RHOBTB2: variants seen among roughly 807,000 people sequenced by gnomAD.
The protein encoded by RHOBTB2 is rho-related BTB domain-containing protein 2.
RHOBTB2 carries 39 observed loss-of-function variants against 66.5 expected under a neutral mutation model. The observed-to-expected ratio is 0.59, with a 90% CI of 0.45 to 0.77. The LOEUF (loss-of-function observed/expected upper bound fraction) is 0.77. Ranked by LOEUF, RHOBTB2 falls within the 30% of genes least tolerant of loss-of-function variation. The probability of loss-of-function intolerance (pLI) is 0.00; values close to 1 mark genes in which losing one functional copy is unlikely to be tolerated. For missense variants in RHOBTB2, 755 were observed against 999.1 expected, an observed-to-expected ratio of 0.76 and a Z score of 3.29; for synonymous variants, 390 against 395.0, an observed-to-expected ratio of 0.99 and a Z score of 0.15.
At chr8:22,955,943 C>A in the RHOBTB2 span, among the ~76,000 whole-genome samples, 1 of 152,134 alleles carries the variant, frequency 6.6e-6, no homozygotes, top group Non-Finnish European at 1.5e-5. Flanking sequence ...CTGGAGCTTC[C>A]CCCCAAAGGC....
Position 23,005,955 on chromosome 8 carries a change from C to G in RHOBTB2, c.297-5C>G, listed in dbSNP as rs370199938. The stretch of plus-strand genomic sequence containing the variant: ...CTGCCCGTAACCTTACTTTCCCACC[C>G]GCAGATCTGATGTGGTGGTTCTGTG... On this transcript the variant is annotated splice_region_variant and splice_polypyrimidine_tract_variant and intron_variant, in intron 3 of 9. Coordinates refer to ENST00000251822, the MANE Select transcript of RHOBTB2 (RefSeq NM_015178.3). 2.1e-5 allele frequency: 34 copies of G among 1,606,948 alleles called. No individual in the cohort carries two copies. Among genetic ancestry groups the G allele is most frequent in the Non-Finnish European group, 2.8e-5 (33 of 1,174,378 alleles).
chr8:22,983,757 C>T (rs1208500212), upstream of RHOBTB2, among the ~76,000 whole-genome samples: 1 of 150,866 alleles, frequency 6.6e-6, no homozygotes, highest in Admixed American at 6.6e-5. Flanking sequence ...TTTTTTGAGA[C>T]AGAGTTTTGC....
Position 23,010,539 on chromosome 8 carries a change from T to G in RHOBTB2, c.1622T>G (p.Val541Gly). The G allele has an allele frequency of 6.2e-7, 1 of 1,612,546 alleles. No individual in the cohort carries two copies. The highest frequency in any genetic ancestry group is 1.1e-5 in the South Asian group (1 of 91,014). The change falls in exon 7 of 10, where the codon GTG becomes GGG. Residue 541 changes from valine (V) to glycine (G), a missense_variant and splice_region_variant. By Grantham distance (109) the Val-to-Gly change is moderately radical. Coordinates refer to ENST00000251822, the MANE Select transcript of RHOBTB2 (RefSeq NM_015178.3). ...TCCGCTCACTCCTTCCCTCCCCAGG[T>G]GGTGTTTCCCTACACAAGCAAGAGC... ...GPFVESSTREVVFPYTSKSCM... is the reference protein window; with the variant it reads ...GPFVESSTREGVFPYTSKSCM...
In RHOBTB2 at chr8:23,019,465, C is replaced by G. The variant is rs949193820; in HGVS notation, c.*1996C>G. The G allele has an allele frequency of 1.3e-5, 2 of 152,408 alleles. No homozygotes were observed. Among genetic ancestry groups the G allele is most frequent in the African/African-American group, 4.8e-5 (2 of 41,458 alleles). 9.4% of individuals were successfully genotyped at this position (152,408 alleles called of 1,614,324 possible). ...GCAGCCCAGGGCTCCAAGTGAGGCC[C>G]AGAAGCCCATGGGCAGGGCTGGGGG... On this transcript the variant is annotated 3_prime_UTR_variant, in exon 10 of 10. Coordinates refer to ENST00000251822, the MANE Select transcript of RHOBTB2 (RefSeq NM_015178.3).
intron 1 of RHOBTB2, among the ~76,000 whole-genome samples, chr8:23,003,674 A>G (rs752650097): frequency 2.6e-5 from 4 of 152,196 alleles, no homozygotes; most frequent in Non-Finnish European, 5.9e-5. Context: ...CCTCACCCGC[A>G]TCTGAAAGCT....
upstream of RHOBTB2, chr8:22,987,304 C>T (rs1025096572): frequency 1.3e-5 from 2 of 152,350 alleles, no homozygotes; most frequent in African/African-American, 2.4e-5. Context: ...GTGCTCTGCA[C>T]AGCCCTGGAC....
At chr8:22,968,929 C>A in the RHOBTB2 span, among the ~76,000 whole-genome samples, 1 of 151,534 alleles carries the variant, frequency 6.6e-6, no homozygotes, top group East Asian at 1.9e-4. Flanking sequence ...AAAAATGGAT[C>A]TTTTACAAGA....
the RHOBTB2 span, among the ~76,000 whole-genome samples, chr8:22,966,020 C>T: frequency 6.6e-6 from 1 of 152,114 alleles, no homozygotes; most frequent in Non-Finnish European, 1.5e-5. Flanking sequence ...TAAATCACAT[C>T]CCTAATAATG....
chr8:22,965,803 G>A, the RHOBTB2 span, among the ~76,000 whole-genome samples: 6 of 152,146 alleles, frequency 3.9e-5, no homozygotes, highest in Admixed American at 3.3e-4. Context: ...AATTGTAAGA[G>A]CTAGAACTAT....
rs1168027049 is a variant in RHOBTB2, at chr8:23,015,743, G to A, written c.1966G>A (p.Glu656Lys). 3 of 1,605,720 alleles carry A rather than the reference G, an allele frequency of 1.9e-6. No individual in the cohort carries two copies. Among genetic ancestry groups the A allele is most frequent in the Non-Finnish European group, 2.6e-6 (3 of 1,172,916 alleles). The change falls in exon 9 of 10, where the codon GAA becomes AAA. Residue 656 changes from glutamate (E) to lysine (K), a missense_variant and splice_region_variant. By Grantham distance (56) the Glu-to-Lys change is moderately conservative (BLOSUM62 1). Around this residue, in one of 7 missense-constraint regions of RHOBTB2, gnomAD observed 353 missense variants for 458.2 expected, o/e 0.77. Transcript: ENST00000251822. ...FPRDMKAMSP[E>K]NQEYFEKHRW... ...CCGAGACATGAAGGCCATGTCCCCAGGTGAGCATCGGGGCCAGTCCTGGCA... is the reference window on the plus strand; with the variant it reads ...CCGAGACATGAAGGCCATGTCCCCAAGTGAGCATCGGGGCCAGTCCTGGCA...
upstream of RHOBTB2, among the ~76,000 whole-genome samples, chr8:22,985,182 T>A (rs1810266446): frequency 6.6e-6 from 1 of 152,086 alleles, no homozygotes; most frequent in East Asian, 1.9e-4. Context: ...TTCATAAAGG[T>A]GGGAGCCAGG....
At chr8:22,961,515 C>A in the RHOBTB2 span, among the ~76,000 whole-genome samples, 1 of 152,188 alleles carries the variant, frequency 6.6e-6, no homozygotes, top group Non-Finnish European at 1.5e-5. Flanking sequence ...TTAAACTCTG[C>A]TAAATTTAAT....
chr8:23,016,086 T>C (rs913116784), intron 9 of RHOBTB2, among the ~76,000 whole-genome samples: 1 of 152,260 alleles, frequency 6.6e-6, no homozygotes, highest in Non-Finnish European at 1.5e-5. Context: ...TTTCTAATGC[T>C]GCTCATGGCC....
At chr8:22,985,969 T>C (rs1810279334), upstream of RHOBTB2, among the ~76,000 whole-genome samples, 1 of 152,132 alleles carries the variant, frequency 6.6e-6, no homozygotes, top group Non-Finnish European at 1.5e-5. Flanking sequence ...GGAGCAAGGC[T>C]GGGACCCCTC....
At chr8:22,963,067 A>G in the RHOBTB2 span, among the ~76,000 whole-genome samples, 16 of 152,198 alleles carry the variant, frequency 1.1e-4, no homozygotes, top group African/African-American at 3.9e-4. Flanking sequence ...TGCCCACTAG[A>G]GACTATATAG....
upstream of RHOBTB2, among the ~76,000 whole-genome samples, chr8:22,985,194 G>A (rs1414967639): frequency 1.3e-5 from 2 of 152,104 alleles, no homozygotes; most frequent in East Asian, 3.9e-4. Flanking sequence ...GGAGCCAGGG[G>A]GCCAGTTGCA....
At chr8:22,959,950 G>C in the RHOBTB2 span, among the ~76,000 whole-genome samples, 209 of 147,732 alleles carry the variant, frequency 1.4e-3, 3 homozygotes, top group Middle Eastern at 0.011. Flanking sequence ...GATCACTTGA[G>C]GTCAGGAGTT....
In RHOBTB2 at chr8:23,006,430, G is replaced by A. The variant is rs1810952526; in HGVS notation, c.482+285G>A. ...TTTTGCTGAGGGATAAACTAAATAT[G>A]TGAGCATGTTAAATACCCATGTGAA... On this transcript the variant is annotated intron_variant, in intron 4 of 9. Coordinates refer to ENST00000251822, the MANE Select transcript of RHOBTB2 (RefSeq NM_015178.3). This position sits in a 1 kb window ranked among gnomAD's most constrained non-coding sequence, Gnocchi z 6.1. 5.4e-6 allele frequency: 3 copies of A among 560,292 alleles called. No individual in the cohort carries two copies. In the East Asian group the frequency reaches 8.6e-5, roughly 16 times the overall value. The allele number at this position is 560,292 out of a possible 1,614,324, so 34.7% of individuals were successfully genotyped here.
Position 23,017,171 on chromosome 8 carries a change from G to T in RHOBTB2, c.1967-81G>T, listed in dbSNP as rs1811315538. On this transcript the variant is annotated intron_variant, in intron 9 of 9. Transcript: ENST00000251822. The surrounding 1 kb of genome is among the most constrained non-coding windows in gnomAD (Gnocchi z 5.3). The stretch of plus-strand genomic sequence containing the variant: ...GGGCTGGAGGCCTGCTGCAGGCCTT[G>T]TGGTGGGGTAGGGCTGGTGTCCCAC... 6.4e-7 allele frequency: 1 copy of T among 1,567,546 alleles called. No individual in the cohort carries two copies.
Sources: gnomAD v4.1 joint callset for allele counts (sites outside exome capture counted in the v4.1 genomes callset) on GRCh38, gnomAD v4.1.1 for gene constraint, gnomAD v4.1.1 regional missense constraint, Gnocchi (gnomAD v3.1) non-coding constraint, MANE v1.5 for transcripts, NCBI Gene and HGNC (gene_info 2026-07-23, HGNC 2026-07-21) for gene names.